CORIN: variants seen among roughly 807,000 people sequenced by gnomAD.
CORIN encodes atrial natriuretic peptide-converting enzyme.
CORIN carries 117 observed loss-of-function variants against 125.3 expected under a neutral mutation model. The observed-to-expected ratio is 0.93, with a 90% CI of 0.80 to 1.09. CORIN has a LOEUF of 1.09. CORIN is among the 50% of genes least tolerant of loss of function. The pLI is 0.00. For missense variants in CORIN, 1,253 were observed against 1,306.7 expected (o/e 0.96, Z 0.63); for synonymous variants, 450 against 466.4 (o/e 0.96, Z 0.45).
rs989604895 is a variant in CORIN at position 47,623,697 on chromosome 4, C to A, written c.2414G>T (p.Gly805Val). 3 of 1,614,234 alleles carry A rather than the reference C, an allele frequency of 1.9e-6. No homozygotes were observed. The highest frequency in any genetic ancestry group is 8.5e-7 in the Non-Finnish European group (1 of 1,180,030). The change falls in exon 19 of 22, where the codon GGT becomes GTT. Residue 805 changes from glycine to valine, a missense_variant. By Grantham distance (109) the Gly-to-Val change is moderately radical. Transcript: ENST00000273857. ...AARMNKRILG[G>V]RTSRPGRWPW... ...CCACCTTCCAGGGCGACTCGTCCGA[C>A]CTCCAAGGATCCTTTTGTTCATTCG...
chr4:47,598,205 G>A (rs996153972), intron 21 of CORIN, among the ~76,000 whole-genome samples: 3 of 152,084 alleles, frequency 2.0e-5, no homozygotes, highest in Non-Finnish European at 4.4e-5. Context: ...AGATTGTCAC[G>A]GAGTAACTCA....
intron 2 of CORIN, among the ~76,000 whole-genome samples, chr4:47,804,737 G>GAGGA (rs199563735): frequency 8.1e-5 from 8 of 98,478 alleles, no homozygotes; most frequent in African/African-American, 2.3e-4. Flanking sequence ...GGGGTGGGGA[G>GAGGA]GGGGGGGGTT....
In CORIN at chr4:47,727,407, A is replaced by T. The variant is rs1727639787; in HGVS notation, c.799+16995T>A. On this transcript the variant is annotated intron_variant, in intron 5 of 21. Coordinates refer to ENST00000273857, the MANE Select transcript of CORIN (RefSeq NM_006587.4). ...TGCATCTAATACATCAAGATATGGA[A>T]TTCTAATATGTGTCACATTTAAGGT... 2.0e-5 allele frequency among the ~76,000 whole-genome samples: 3 copies of T among 152,108 alleles called. No individual in the cohort carries two copies. The South Asian group carries it at 6.2e-4, about 31-fold the overall frequency.
intron 5 of CORIN, among the ~76,000 whole-genome samples, chr4:47,717,057 G>T (rs74692394): frequency 6.6e-6 from 1 of 152,024 alleles, no homozygotes; most frequent in African/African-American, 2.4e-5. Context: ...CAATTGGCAG[G>T]ATCCAAAAAA....
intron 19 of CORIN, among the ~76,000 whole-genome samples, chr4:47,604,552 A>T (rs1443551602): frequency 6.6e-6 from 1 of 152,222 alleles, no homozygotes; most frequent in Middle Eastern, 3.2e-3. Flanking sequence ...GTATTTAATC[A>T]TTCAGGATTC....
At chr4:47,697,574 C>T (rs1726080378) in intron 5 of CORIN, among the ~76,000 whole-genome samples, 1 of 151,960 alleles carries the variant, frequency 6.6e-6, no homozygotes, top group Non-Finnish European at 1.5e-5. Context: ...ATTAGCTGGG[C>T]ATAGAGACAT....
In CORIN at chr4:47,653,554, A is replaced by G; in HGVS notation, c.1842T>C (p.Cys614=). The change falls in exon 13 of 22, where the codon TGT becomes TGC. Residue 614 remains cysteine (C), a splice_region_variant and synonymous_variant. Coordinates refer to ENST00000273857, the MANE Select transcript of CORIN (RefSeq NM_006587.4). ...AAAAGTACCATTGCACATACATACC[A>G]CAGTTTTCCTCATCACTGTCATCGT... ...DCDDDSDEEN[C]GCKERDLWEC... is the part of the protein sequence containing the mutation. 6.2e-7 allele frequency: 1 copy of G among 1,612,798 alleles called. No individual in the cohort carries two copies.
At position 47,659,783 on chromosome 4, in the gene CORIN, T is replaced by C. The variant is rs552236743; in HGVS notation, c.1735+1928A>G. Among the ~76,000 whole-genome samples, 5 of 152,266 alleles carry C rather than the reference T, an allele frequency of 3.3e-5. No individual in the cohort carries two copies. In the South Asian group the frequency reaches 6.2e-4, roughly 19 times the overall value. Reference sequence around the variant, plus strand: ...GACAAATATCCAAACTATATCACTATGTAAAGCAATCTATAGATTAAATAT... The same window carrying C: ...GACAAATATCCAAACTATATCACTACGTAAAGCAATCTATAGATTAAATAT... On this transcript the variant is annotated intron_variant, in intron 12 of 21. Transcript: ENST00000273857.
intron 15 of CORIN, chr4:47,642,858 T>C: frequency 6.9e-7 from 1 of 1,455,026 alleles, no homozygotes; most frequent in Non-Finnish European, 9.0e-7. Context: ...AGTTGGGTTT[T>C]AATGAAGAGT....
intron 16 of CORIN, among the ~76,000 whole-genome samples, chr4:47,639,510 G>T (rs1723157405): frequency 1.3e-5 from 2 of 152,224 alleles, no homozygotes; most frequent in South Asian, 4.1e-4. Flanking sequence ...AATGGAATTA[G>T]TTGGGAGTTG....
intron 3 of CORIN, among the ~76,000 whole-genome samples, chr4:47,784,520 C>T (rs1421647317): frequency 2.0e-5 from 3 of 152,308 alleles, no homozygotes; most frequent in Middle Eastern, 3.4e-3. Context: ...GCAACAACAG[C>T]CACATGTTTC....
intron 19 of CORIN, among the ~76,000 whole-genome samples, chr4:47,618,392 G>A (rs1722158124): frequency 6.6e-6 from 1 of 151,802 alleles, no homozygotes; most frequent in South Asian, 2.1e-4. Context: ...GAAAGGAAAG[G>A]AAAAATGTGA....
At chr4:47,723,953 G>A (rs895359981) in intron 5 of CORIN, among the ~76,000 whole-genome samples, 6 of 135,618 alleles carry the variant, frequency 4.4e-5, no homozygotes, top group Non-Finnish European at 6.1e-5. Context: ...CTGAGATCGC[G>A]CCACAGCACT....
At chr4:47,658,692 G>A (rs1724107046) in intron 12 of CORIN, among the ~76,000 whole-genome samples, 1 of 152,228 alleles carries the variant, frequency 6.6e-6, no homozygotes, top group Admixed American at 6.5e-5. Context: ...TGATGGGAGG[G>A]GCTGCCTGGG....
chr4:47,695,864 A>T (rs527608168), intron 5 of CORIN, among the ~76,000 whole-genome samples: 1 of 152,336 alleles, frequency 6.6e-6, no homozygotes, highest in South Asian at 2.1e-4. Context: ...AAGTATCATG[A>T]GGTCAACATT....
intron 3 of CORIN, among the ~76,000 whole-genome samples, chr4:47,779,656 G>A (rs1345815652): frequency 2.6e-5 from 4 of 151,788 alleles, no homozygotes; most frequent in Non-Finnish European, 5.9e-5. Context: ...GGCTGGTCCC[G>A]AACTCTTGAC....
At chr4:47,837,834 A>G in intron 1 of CORIN, 53 bp downstream of exon 1, 1 of 1,487,564 alleles carries the variant, frequency 6.7e-7, no homozygotes, top group Non-Finnish European at 9.4e-7. Flanking sequence ...ATTCACCGGG[A>G]CTAAGAGGCC....
intron 3 of CORIN, among the ~76,000 whole-genome samples, chr4:47,773,908 G>T (rs955861222): frequency 6.6e-6 from 1 of 151,304 alleles, no homozygotes; most frequent in African/African-American, 2.4e-5. Flanking sequence ...AAGATAAAAG[G>T]TATATTTATT....
chr4:47,763,447 G>A lies in CORIN; in HGVS notation c.549C>T (p.Cys183=), dbSNP rs770001174. 1.9e-6 allele frequency: 3 copies of A among 1,614,090 alleles called. No individual in the cohort carries two copies. Among genetic ancestry groups the A allele is most frequent in the Non-Finnish European group, 2.5e-6 (3 of 1,179,984 alleles). ...AGCCAAACAGCATGATATGTTGATA[G>A]CAACTGAGGCGATGGAGATATGTGA... ...KFFTYLHRLS[C]YQHIMLFGCT... Residue 183 remains cysteine (C), a synonymous_variant, in exon 4 of 22, where the codon TGC becomes TGT. Transcript: ENST00000273857.
Sources: gnomAD v4.1 joint callset for allele counts (sites outside exome capture counted in the v4.1 genomes callset) on GRCh38, gnomAD v4.1.1 for gene constraint, MANE v1.5 for transcripts, NCBI Gene and HGNC (gene_info 2026-07-23, HGNC 2026-07-21) for gene names.